The following CIB4 variants were observed in gnomAD, a reference collection of about 807,000 sequenced individuals.
The protein encoded by CIB4 is calcium and integrin-binding family member 4.
A neutral mutation model predicts 25.8 loss-of-function variants in CIB4; 25 were observed. The observed-to-expected ratio is 0.97, with a 90% confidence interval of 0.71 to 1.35. The LOEUF is 1.35. CIB4 is among the 40% of genes most tolerant of loss of function. CIB4 has a pLI of 0.00. For missense variants in CIB4, 235 were observed against 228.2 expected (o/e 1.03, Z -0.19); for synonymous variants, 75 against 81.4 (o/e 0.92, Z 0.42).
intron 3 of CIB4, among the ~76,000 whole-genome samples, chr2:26,614,994 G>A (rs1446657309): frequency 2.0e-5 from 3 of 152,210 alleles, no homozygotes; most frequent in Non-Finnish European, 2.9e-5. Context: ...GACTGGATGA[G>A]AAAATCTTCC....
chr2:26,624,037 C>T (rs879470546), intron 3 of CIB4, among the ~76,000 whole-genome samples: 8 of 152,220 alleles, frequency 5.3e-5, no homozygotes, highest in Non-Finnish European at 1.0e-4. Context: ...TGTCCCCGTG[C>T]GGGACATTTT....
intron 3 of CIB4, among the ~76,000 whole-genome samples, chr2:26,604,307 G>A (rs951629598): frequency 3.3e-5 from 5 of 152,000 alleles, no homozygotes; most frequent in African/African-American, 4.8e-5. Flanking sequence ...TTGAGCTCAG[G>A]AGAACGAAGC....
intron 2 of CIB4, 127 bp from the exon 3 acceptor site, chr2:26,629,633 CTT>C: frequency 1.5e-6 from 1 of 663,976 alleles, no homozygotes; most frequent in South Asian, 1.7e-5. Flanking sequence ...AGGAAGGAGA[CTT>C]GGGGTTGGCT....
chr2:26,581,443 C>A (rs1350278165), intron 6 of CIB4, 50 bp from the exon 7 acceptor site: 1 of 1,587,932 alleles, frequency 6.3e-7, no homozygotes, highest in East Asian at 2.2e-5. Flanking sequence ...TCCAAGGGGC[C>A]CTCTGACTCC....
chr2:26,583,875 C>A lies in CIB4; in HGVS notation c.352G>T (p.Asp118Tyr), dbSNP rs866712559. 2.5e-6 allele frequency: 4 copies of A among 1,612,232 alleles called. No individual in the cohort carries two copies. In the African/African-American group the frequency reaches 4.0e-5, roughly 16 times the overall value. The change falls in exon 5 of 7, where the codon GAT becomes TAT. Residue 118 changes from aspartate (D) to tyrosine (Y), a missense_variant. Physicochemically the swap from Asp to Tyr is radical, Grantham distance 160. Coordinates refer to ENST00000288861, the MANE Select transcript of CIB4 (RefSeq NM_001029881.3). ...ATGATCCTCTGCAGATCCTCCTCAT[C>A]AATGAAGCCATTCTCATTAAAATCT... ...IYDFNENGFI[D>Y]EEDLQRIILR...
intron 5 of CIB4, 41 bp downstream of exon 5, chr2:26,583,748 T>C (rs750557926): frequency 9.0e-5 from 123 of 1,362,424 alleles, no homozygotes; most frequent in Admixed American, 1.8e-4. Flanking sequence ...CTGGCCCCTA[T>C]CCCCGGCCCC....
At chr2:26,615,478 C>T (rs1669074851) in intron 3 of CIB4, among the ~76,000 whole-genome samples, 1 of 152,318 alleles carries the variant, frequency 6.6e-6, no homozygotes, top group Non-Finnish European at 1.5e-5. Context: ...GTCATCCATG[C>T]CCCGCCCTTT....
chr2:26,605,412 C>T (rs775259398), intron 3 of CIB4: 1 of 450,568 alleles, frequency 2.2e-6, no homozygotes, highest in Non-Finnish European at 4.6e-6. Flanking sequence ...TCCTGGGCTA[C>T]CTGCAAGTGG....
intron 3 of CIB4, among the ~76,000 whole-genome samples, chr2:26,617,167 C>T (rs988006076): frequency 7.8e-6 from 1 of 127,654 alleles, no homozygotes; most frequent in African/African-American, 2.8e-5. Flanking sequence ...CGTGGGTGGG[C>T]ATGATTGTGT....
chr2:26,610,540 A>G lies in CIB4; in HGVS notation c.187-15223T>C, dbSNP rs148077883. Among the ~76,000 whole-genome samples the G allele has an allele frequency of 9.3e-3, 1,412 of 152,316 alleles. 21 individuals are homozygous for G. Among genetic ancestry groups the G allele is most frequent in the African/African-American group, 0.032 (1,324 of 41,570 alleles). On this transcript the variant is annotated intron_variant, in intron 3 of 6. Transcript: ENST00000288861. ...TCCTGTATCCTGGGGACTTTGCCCC[A>G]ATAGTATCAGGCTGCCCTTGCCTGC...
At chr2:26,624,999 T>C (rs928926817) in intron 3 of CIB4, among the ~76,000 whole-genome samples, 2 of 152,128 alleles carry the variant, frequency 1.3e-5, no homozygotes, top group Non-Finnish European at 2.9e-5. Flanking sequence ...TCGCATTGCA[T>C]CACAACATCT....
chr2:26,584,970 A>T (rs1333289678), intron 4 of CIB4, among the ~76,000 whole-genome samples: 1 of 152,138 alleles, frequency 6.6e-6, no homozygotes, highest in African/African-American at 2.4e-5. Context: ...CCGTCCCGCC[A>T]GTCGGGGAGT....
intron 3 of CIB4, among the ~76,000 whole-genome samples, chr2:26,611,879 T>C (rs559823417): frequency 3.3e-5 from 5 of 152,268 alleles, no homozygotes; most frequent in Admixed American, 1.3e-4. Context: ...TAAAATTGTA[T>C]CTATGTATGT....
intron 2 of CIB4, among the ~76,000 whole-genome samples, chr2:26,631,924 C>G (rs971780236): frequency 2.0e-5 from 3 of 152,230 alleles, no homozygotes; most frequent in African/African-American, 7.2e-5. Context: ...CACCTCAGGC[C>G]TGGGGCAGTC....
At chr2:26,605,764 G>A (rs1668876741) in intron 3 of CIB4, among the ~76,000 whole-genome samples, 1 of 152,120 alleles carries the variant, frequency 6.6e-6, no homozygotes, top group Non-Finnish European at 1.5e-5. Context: ...CAAATGCAGG[G>A]TCGATATTAT....
intron 4 of CIB4, among the ~76,000 whole-genome samples, chr2:26,593,448 C>CAT (rs1417501941): frequency 1.3e-4 from 20 of 149,728 alleles, no homozygotes; most frequent in African/African-American, 4.8e-4. Context: ...TATATACCCA[C>CAT]ACATACACTC....
chr2:26,611,421 T>A (rs12052564), intron 3 of CIB4, among the ~76,000 whole-genome samples: 6,077 of 152,326 alleles, frequency 0.04, 438 homozygotes, highest in East Asian at 0.33. Context: ...TCTCTAGTGA[T>A]GTGTCACAGG....
chr2:26,605,391 C>T (rs900042327), intron 3 of CIB4: 1 of 413,648 alleles, frequency 2.4e-6, no homozygotes, highest in Middle Eastern at 7.7e-4. Flanking sequence ...GGAACCCATT[C>T]CACCCTGTGC....
intron 3 of CIB4, among the ~76,000 whole-genome samples, chr2:26,603,914 G>A (rs982811352): frequency 1.3e-5 from 2 of 151,064 alleles, no homozygotes; most frequent in African/African-American, 4.9e-5. Flanking sequence ...GAGGTGGGAG[G>A]ATCACTTGAG....
Sources: allele counts gnomAD v4.1 joint callset (sites outside exome capture counted in the v4.1 genomes callset), GRCh38; gene constraint gnomAD v4.1.1; transcripts MANE v1.5; gene names NCBI Gene and HGNC (gene_info 2026-07-23, HGNC 2026-07-21).